MXRA5: variants seen among roughly 807,000 people sequenced by gnomAD.
MXRA5 encodes the protein matrix-remodeling-associated protein 5.
A neutral mutation model predicts 112.5 loss-of-function variants in MXRA5; 41 were observed. The observed-to-expected ratio is 0.36, with a 90% CI of 0.28 to 0.47. The LOEUF is 0.47. Among genes scored for constraint, MXRA5 ranks in the 20% least tolerant of loss-of-function variants. The probability of loss-of-function intolerance (pLI) is 0.99; values close to 1 mark genes in which losing one functional copy is unlikely to be tolerated. For missense variants in MXRA5, 2,150 were observed against 2,251.0 expected (o/e 0.96, Z 0.91); for synonymous variants, 862 against 900.8 (o/e 0.96, Z 0.77).
chrX:3,331,557 C>T (rs1921663586), intron 2 of MXRA5, among the ~76,000 whole-genome samples: 1 of 111,941 alleles, frequency 8.9e-6, no homozygotes, highest in Non-Finnish European at 1.9e-5. Flanking sequence ...CAGCTCCATG[C>T]TAAAGGCCAA....
rs749337768 is a variant in MXRA5, at chrX:3,322,666, T to C, written c.3019A>G (p.Ile1007Val). The change falls in exon 5 of 7, where the codon ATC (isoleucine) becomes GTC (valine). Residue 1007 changes from isoleucine to valine, a missense_variant. This residue lies in a region of MXRA5 where 1,485 missense variants were observed against 1,471.6 expected (regional missense o/e 1.01). Transcript: ENST00000217939. ...TFAHLTPTPT[I>V]WVNDSSTSQL... ...GATGTACTGGAGTCATTAACCCAGA[T>C]GGTGGGGGTTGGAGTAAGGTGTGCA... 3 of 1,211,263 alleles carry C rather than the reference T, an allele frequency of 2.5e-6. No individual in the cohort carries two copies. Among genetic ancestry groups the C allele is most frequent in the Admixed American group, 4.4e-5 (2 of 45,952 alleles).
chrX:3,346,174 G>A (rs1381692938), intron 1 of MXRA5, among the ~76,000 whole-genome samples: 1 of 111,791 alleles, frequency 8.9e-6, no homozygotes, highest in African/African-American at 3.2e-5. Flanking sequence ...CTAGAAACGC[G>A]GGATGGCGGG....
chrX:3,338,958 TTAGATAGATAGA>T (rs749467757), intron 2 of MXRA5, among the ~76,000 whole-genome samples: 44 of 80,823 alleles, frequency 5.4e-4, no homozygotes, highest in Admixed American at 2.0e-3. Context: ...AGATAGATAG[TTAGATAGATAGA>T]TAGATAGATA....
chrX:3,334,898 TAAATA>T (rs1272360398), intron 2 of MXRA5, among the ~76,000 whole-genome samples: 1 of 111,485 alleles, frequency 9.0e-6, no homozygotes, highest in African/African-American at 3.3e-5. Flanking sequence ...TTCAACTCAC[TAAATA>T]AAATAAAGTG....
Position 3,308,880 on chromosome X carries a change from C to T in MXRA5, c.*836G>A, listed in dbSNP as rs764929286. 1 of 111,684 alleles carries T rather than the reference C, an allele frequency of 9.0e-6. No homozygotes were observed. The highest frequency in any genetic ancestry group is 1.9e-5 in the Non-Finnish European group (1 of 53,210). The allele number at this position is 111,684 out of a possible 1,213,427, so 9.2% of individuals were successfully genotyped here. A position where few individuals can be genotyped will look rare whatever the true frequency, so the allele number is the denominator to read the frequency against. On this transcript the variant is annotated 3_prime_UTR_variant, in exon 7 of 7. Coordinates refer to ENST00000217939, the MANE Select transcript of MXRA5 (RefSeq NM_015419.4). The stretch of plus-strand genomic sequence containing the variant: ...AAGGAAATCTAATATCGCAGCCTTC[C>T]CCACTGGAGGGTTCCTGGAGAAGGT...
chrX:3,321,442 C>G lies in MXRA5; in HGVS notation c.4243G>C (p.Asp1415His). The G allele has an allele frequency of 8.3e-7, 1 of 1,211,286 alleles. No individual in the cohort carries two copies. Among genetic ancestry groups the G allele is most frequent in the Non-Finnish European group, 1.1e-6 (1 of 895,122 alleles). ...AAAAACTCGGAAGTGAAATCCACAT[C>G]CTCAAGCTCTTTAAGAAGGGGAGGG... ...TDPPLLKELE[D>H]VDFTSEFLSS... Residue 1415 changes from aspartate (D) to histidine (H), a missense_variant, in exon 5 of 7, where the codon GAT (aspartate) becomes CAT (histidine). Physicochemically the swap from Asp to His is moderately conservative, Grantham distance 81. Coordinates refer to ENST00000217939, the MANE Select transcript of MXRA5 (RefSeq NM_015419.4).
chrX:3,323,632 C>T lies in MXRA5; in HGVS notation c.2053G>A (p.Ala685Thr). 6.6e-6 allele frequency: 8 copies of T among 1,211,079 alleles called. No individual in the cohort carries two copies. The highest frequency in any genetic ancestry group is 1.7e-5 in the African/African-American group (1 of 57,733). The change falls in exon 5 of 7, where the codon GCA becomes ACA. Residue 685 changes from alanine to threonine, a missense_variant. By Grantham distance (58) the Ala-to-Thr change is moderately conservative (BLOSUM62 0). Coordinates refer to ENST00000217939, the MANE Select transcript of MXRA5 (RefSeq NM_015419.4). The stretch of plus-strand genomic sequence containing the variant: ...TCTCTGACTCTGGAAAGAGCCTTTG[C>T]ACCTGGGCGTCTGCCTCTTTTGGAT... Reference protein sequence around the residue: ...LPSKRGRRPGAKALSRVREDI... With the variant: ...LPSKRGRRPGTKALSRVREDI...
At chrX:3,345,188 C>A (rs1303145344) in intron 1 of MXRA5, among the ~76,000 whole-genome samples, 13 of 112,574 alleles carry the variant, frequency 1.2e-4, no homozygotes, top group South Asian at 1.1e-3. Flanking sequence ...ACATCCCAAA[C>A]CTGTAGCTTT....
chrX:3,339,495 T>C (rs1921865944), intron 2 of MXRA5, among the ~76,000 whole-genome samples: 1 of 110,675 alleles, frequency 9.0e-6, no homozygotes. Flanking sequence ...CTCGATCTCC[T>C]GACCTCGTGA....
chrX:3,343,974 C>G (rs1922049209), intron 1 of MXRA5, 113 bp from the exon 2 acceptor site: 1 of 579,250 alleles, frequency 1.7e-6, no homozygotes, highest in Non-Finnish European at 2.7e-6. Flanking sequence ...GGACTTCACA[C>G]GATGTGTTGT....
rs866357025 is a variant in MXRA5, at chrX:3,329,358, G to A, written c.709+660C>T. ...AGAGAAGGAAGAAAGGAAAGAAGGA[G>A]GGAAGGAAAGAAGGAGGGAAGGAAG... On this transcript the variant is annotated intron_variant, in intron 4 of 6. Coordinates refer to ENST00000217939, the MANE Select transcript of MXRA5 (RefSeq NM_015419.4). Among the ~76,000 whole-genome samples, 27 of 72,260 alleles carry A rather than the reference G, an allele frequency of 3.7e-4. 1 individual carries two copies. The highest frequency in any genetic ancestry group is 1.9e-3 in the Admixed American group (12 of 6,206). 62.7% of individuals were successfully genotyped at this position (72,260 alleles called of 115,157 possible). A position where few individuals can be genotyped will look rare whatever the true frequency, so the allele number is the denominator to read the frequency against.
rs1920964190 is a variant in MXRA5, at chrX:3,309,287, CTA to C, written c.*427_*428del. 8.2e-6 allele frequency: 1 copy of C among 121,735 alleles called. No homozygotes were observed. The highest frequency in any genetic ancestry group is 1.7e-5 in the Non-Finnish European group (1 of 60,150). The allele number at this position is 121,735 out of a possible 1,213,427, so 10.0% of individuals were successfully genotyped here. ...ATGACTTGTCAATCTGGAACAAAGT[CTA>C]TCATGTAAAAACTGCAGCAGGTTAA... On this transcript the variant is annotated 3_prime_UTR_variant, in exon 7 of 7. Coordinates refer to ENST00000217939, the MANE Select transcript of MXRA5 (RefSeq NM_015419.4).
rs1328151400 is a variant in MXRA5, at chrX:3,323,489, A to G, written c.2196T>C (p.Asn732=). Residue 732 remains asparagine (N), a synonymous_variant, in exon 5 of 7, where the codon AAT becomes AAC. Coordinates refer to ENST00000217939, the MANE Select transcript of MXRA5 (RefSeq NM_015419.4). The part of the protein sequence containing the change: ...VFLKTKDDAI[N]GDKKAKKGRR... ...TCCCTTTCTTGGCTTTCTTGTCTCC[A>G]TTGATGGCATCATCCTTTGTTTTGA... The G allele has an allele frequency of 1.7e-6, 2 of 1,211,481 alleles. No homozygotes were observed. The highest frequency in any genetic ancestry group is 2.2e-6 in the Non-Finnish European group (2 of 895,486).
In MXRA5 at chrX:3,317,987, C is replaced by T. The variant is rs5982697; in HGVS notation, c.5694G>A (p.Pro1898=). Residue 1898 remains proline (P), a synonymous_variant, in exon 6 of 7, where the codon CCG becomes CCA. Coordinates refer to ENST00000217939, the MANE Select transcript of MXRA5 (RefSeq NM_015419.4). ...CCTCAAACCGTTGTATCCTGGTATT[C>T]GGAGTCATAAGAGCTCCTGGAGAAA... The part of the protein sequence containing the change: ...TKVSTGALMT[P]NTRIQRFEVL... 125,503 of 1,192,279 alleles carry T rather than the reference C, an allele frequency of 0.11. 7,852 individuals are homozygous for T. The highest frequency in any genetic ancestry group is 0.4 in the African/African-American group (22,475 of 56,230).
rs778046290 is a variant in MXRA5, at chrX:3,311,242, C to T, written c.6961G>A (p.Asp2321Asn). The change falls in exon 7 of 7, where the codon GAC becomes AAC. Residue 2321 changes from aspartate (D) to asparagine (N), a missense_variant. Around this residue, in one of 6 missense-constraint regions of MXRA5, gnomAD observed 1,485 missense variants for 1,471.6 expected, o/e 1.01. Coordinates refer to ENST00000217939, the MANE Select transcript of MXRA5 (RefSeq NM_015419.4). ...FNEVGMREEG[D>N]YTCFAENQVG... ...TGATTTTCAGCAAAGCAGGTGTAGT[C>T]TCCTTCCTCCCTCATCCCCACTTCG... The T allele has an allele frequency of 2.5e-6, 3 of 1,211,632 alleles. No homozygotes were observed. In the Admixed American group the frequency reaches 6.5e-5, roughly 26 times the overall value.
Position 3,320,927 on chromosome X carries a change from T to C in MXRA5, c.4758A>G (p.Leu1586=). 8.3e-7 allele frequency: 1 copy of C among 1,211,865 alleles called. No homozygotes were observed. The highest frequency in any genetic ancestry group is 1.1e-6 in the Non-Finnish European group (1 of 895,560). Residue 1586 remains leucine, a synonymous_variant, in exon 5 of 7, where the codon CTA becomes CTG. Coordinates refer to ENST00000217939, the MANE Select transcript of MXRA5 (RefSeq NM_015419.4). ...LEKQVFGSRS[L]PRGPDSQRQD... ...GGCGTTGGCTATCTGGGCCACGTGG[T>C]AGACTCCTACTACCAAATACTTGCT...
chrX:3,321,737 T>C lies in MXRA5; in HGVS notation c.3948A>G (p.Thr1316=). 2.5e-6 allele frequency: 3 copies of C among 1,211,291 alleles called. No individual in the cohort carries two copies. The highest frequency in any genetic ancestry group is 3.4e-6 in the Non-Finnish European group (3 of 895,043). The change falls in exon 5 of 7, where the codon ACA becomes ACG. Residue 1316 remains threonine, a synonymous_variant. Coordinates refer to ENST00000217939, the MANE Select transcript of MXRA5 (RefSeq NM_015419.4). ...YPKVQETLPV[T]YKPTSDGKEI... is the part of the protein sequence containing the mutation. Reference sequence around the variant, plus strand: ...CTTTTCCATCTGATGTGGGTTTATATGTGACTGGAAGTGTCTCTTGGACTT... The same window carrying C: ...CTTTTCCATCTGATGTGGGTTTATACGTGACTGGAAGTGTCTCTTGGACTT...
At chrX:3,333,190 C>A (rs1443952805) in intron 2 of MXRA5, among the ~76,000 whole-genome samples, 1 of 104,979 alleles carries the variant, frequency 9.5e-6, no homozygotes, top group Non-Finnish European at 1.9e-5. Context: ...GTGGTCCCAG[C>A]TACTCAGGAG....
In MXRA5 at chrX:3,310,044, G is replaced by A. The variant is rs767370839; in HGVS notation, c.8159C>T (p.Ser2720Leu). 43 of 1,209,103 alleles carry A rather than the reference G, an allele frequency of 3.6e-5. No individual in the cohort carries two copies. Among genetic ancestry groups the A allele is most frequent in the Non-Finnish European group, 4.2e-5 (38 of 894,967 alleles). The change falls in exon 7 of 7, where the codon TCG (serine) becomes TTG (leucine). Residue 2720 changes from serine to leucine, a missense_variant. Physicochemically the swap from Ser to Leu is moderately radical, Grantham distance 145 (BLOSUM62 -2). Transcript: ENST00000217939. ...CACAATCACGGGGATGCTGGTGACC[G>A]AAGGGCCGTACTCCGTCTCCATCCT... is the stretch of plus-strand genomic sequence containing the variant. ...VCRMETEYGP[S>L]VTSIPVIVIA...
Sources: gnomAD v4.1 joint callset for allele counts (sites outside exome capture counted in the v4.1 genomes callset) on GRCh38, gnomAD v4.1.1 for gene constraint, gnomAD v4.1.1 regional missense constraint, MANE v1.5 for transcripts, NCBI Gene and HGNC (gene_info 2026-07-23, HGNC 2026-07-21) for gene names.